The following CDC42EP4 variants were observed in gnomAD, a reference collection of about 807,000 sequenced individuals.
CDC42EP4 encodes the protein CDC42 effector protein (Rho GTPase binding) 4.
Under a neutral mutation model 5.6 loss-of-function variants are expected in CDC42EP4, and 6 were observed. The ratio of observed to expected loss-of-function variants is 1.07; its 90% CI spans 0.59 to 2.12. The LOEUF (loss-of-function observed/expected upper bound fraction) is 2.12. CDC42EP4 is among the 30% of genes most tolerant of loss of function. The probability of loss-of-function intolerance (pLI) is 0.00; values close to 1 mark genes in which losing one functional copy is unlikely to be tolerated. For synonymous variants in CDC42EP4, 230 were observed against 224.2 expected (o/e 1.03, Z -0.23); for missense variants, 490 against 508.6 (o/e 0.96, Z 0.35).
At position 73,283,785 on chromosome 17, in the gene CDC42EP4, A is replaced by G. The variant is rs927581785; in HGVS notation, c.*1645T>C. ...CCCACCATGGGACCTAAGCTATTGG[A>G]AACAGGAGCACCAACAGGGCACCGA... On this transcript the variant is annotated 3_prime_UTR_variant, in exon 2 of 2. Coordinates refer to ENST00000335793, the MANE Select transcript of CDC42EP4 (RefSeq NM_012121.5). 1.3e-5 allele frequency: 2 copies of G among 152,322 alleles called. No homozygotes were observed. Among genetic ancestry groups the G allele is most frequent in the African/African-American group, 4.8e-5 (2 of 41,452 alleles). The allele number at this position is 152,322 out of a possible 1,614,324, so 9.4% of individuals were successfully genotyped here.
intron 1 of CDC42EP4, chr17:73,307,187 A>C (rs796408904): frequency 5.2e-4 from 79 of 152,336 alleles, no homozygotes; most frequent in African/African-American, 1.7e-3. Flanking sequence ...GCTCACCTGA[A>C]TCCCAAAAGA....
rs555882165 is a variant in CDC42EP4, at chr17:73,295,929, T to C, written c.-112-9317A>G. On this transcript the variant is annotated intron_variant, in intron 1 of 1. Transcript: ENST00000335793. ...TCCAAAAAAAAAAAAAAAAGAATGATGGTTTTAAAATGAATATGATTCAGT... is the reference window on the plus strand; with the variant it reads ...TCCAAAAAAAAAAAAAAAAGAATGACGGTTTTAAAATGAATATGATTCAGT... Among the ~76,000 whole-genome samples the C allele has an allele frequency of 4.7e-5, 7 of 147,388 alleles. No homozygotes were observed. In the South Asian group the frequency reaches 1.1e-3, roughly 23 times the overall value.
chr17:73,310,866 G>C (rs915873250), intron 1 of CDC42EP4: 9 of 151,886 alleles, frequency 5.9e-5, no homozygotes, highest in African/African-American at 2.2e-4. Context: ...CAGCCCTCCC[G>C]GCCGGGGCAC....
chr17:73,310,473 T>A (rs769337631), intron 1 of CDC42EP4, among the ~76,000 whole-genome samples: 16 of 151,554 alleles, frequency 1.1e-4, no homozygotes, highest in Non-Finnish European at 1.8e-4. Flanking sequence ...CGACGGGGGC[T>A]CCCAAGGACT....
At chr17:73,289,502 C>T (rs2062150195) in intron 1 of CDC42EP4, among the ~76,000 whole-genome samples, 1 of 151,854 alleles carries the variant, frequency 6.6e-6, no homozygotes, top group Non-Finnish European at 1.5e-5. Flanking sequence ...TGACCCCACG[C>T]ATCCTCATGC....
At chr17:73,305,036 G>A (rs985852903) in intron 1 of CDC42EP4, among the ~76,000 whole-genome samples, 1 of 152,176 alleles carries the variant, frequency 6.6e-6, no homozygotes, top group African/African-American at 2.4e-5. Flanking sequence ...AGCAGGAGGT[G>A]AAGGGGAAAC....
intron 1 of CDC42EP4, chr17:73,311,171 C>G (rs1039276691): frequency 1.3e-5 from 2 of 152,242 alleles, no homozygotes; most frequent in Admixed American, 6.5e-5. Flanking sequence ...CAGGAGGCGC[C>G]TCGGCCTCCC....
At chr17:73,290,692 C>T (rs1251755078) in intron 1 of CDC42EP4, among the ~76,000 whole-genome samples, 1 of 152,180 alleles carries the variant, frequency 6.6e-6, no homozygotes, top group Non-Finnish European at 1.5e-5. Flanking sequence ...AGGTAAACAA[C>T]AAAGACAGAG....
In CDC42EP4 at chr17:73,304,580, G is replaced by A. The variant is rs374211496; in HGVS notation, c.-113+7313C>T. On this transcript the variant is annotated intron_variant, in intron 1 of 1. Transcript: ENST00000335793. Reference sequence around the variant, plus strand: ...GCTCTACTCAAGTCACACACGGTTGGTTAGGAGAGAGAGACAAGAATCCAG... The same window carrying A: ...GCTCTACTCAAGTCACACACGGTTGATTAGGAGAGAGAGACAAGAATCCAG... Among the ~76,000 whole-genome samples the A allele has an allele frequency of 9.1e-5, 13 of 143,412 alleles. No individual in the cohort carries two copies. In the East Asian group the frequency reaches 2.1e-3, roughly 24 times the overall value. The allele number at this position is 143,412 out of a possible 152,430, so 94.1% of individuals were successfully genotyped here.
chr17:73,285,687 C>T lies in CDC42EP4; in HGVS notation c.814G>A (p.Asp272Asn), dbSNP rs942232786. 1 of 1,571,134 alleles carries T rather than the reference C, an allele frequency of 6.4e-7. No homozygotes were observed. The highest frequency in any genetic ancestry group is 1.3e-5 in the African/African-American group (1 of 74,292). The change falls in exon 2 of 2, where the codon GAC becomes AAC. Residue 272 changes from aspartate (D) to asparagine (N), a missense_variant. Asp to Asn is a conservative substitution (Grantham distance 23). Transcript: ENST00000335793. The surrounding 1 kb of genome is among the most constrained non-coding windows in gnomAD (Gnocchi z 6.8). ...GCATGGGAGGGGAGGGAGGGCAAGT[C>T]TGGGCCAGCCTTGCCTTCCTGCCTT... Reference protein sequence around the residue: ...LARQEGKAGPDLPSLPSHALE... With the variant: ...LARQEGKAGPNLPSLPSHALE...
Position 73,285,858 on chromosome 17 carries a change from G to T in CDC42EP4, c.643C>A (p.Pro215Thr), listed in dbSNP as rs1167520253. The change falls in exon 2 of 2, where the codon CCC becomes ACC. Residue 215 changes from proline to threonine, a missense_variant. Coordinates refer to ENST00000335793, the MANE Select transcript of CDC42EP4 (RefSeq NM_012121.5). The surrounding 1 kb of genome is among the most constrained non-coding windows in gnomAD (Gnocchi z 6.8). The part of the protein sequence containing the change: ...SIMSFHIDLG[P>T]SMLGDVLSIM... ...CTGAGGACGTCACCCAGCATGGAGGGCCCCAGGTCGATGTGGAAGGACATG... is the reference window on the plus strand; with the variant it reads ...CTGAGGACGTCACCCAGCATGGAGGTCCCCAGGTCGATGTGGAAGGACATG... 1.2e-6 allele frequency: 2 copies of T among 1,614,044 alleles called. No homozygotes were observed. The highest frequency in any genetic ancestry group is 1.7e-6 in the Non-Finnish European group (2 of 1,180,000).
chr17:73,308,140 G>C (rs770333314), intron 1 of CDC42EP4, among the ~76,000 whole-genome samples: 12 of 152,172 alleles, frequency 7.9e-5, no homozygotes, highest in Non-Finnish European at 1.5e-5. Flanking sequence ...GTTCCCTGCC[G>C]AGAGAGGGCA....
In CDC42EP4 at chr17:73,285,943, A is replaced by G. The variant is rs767014345; in HGVS notation, c.558T>C (p.Asp186=). ...DPLLDEQAFG[D]LTDLPVVPKA... is the part of the protein sequence containing the mutation. ...TGGGCACGACAGGCAGATCTGTCAG[A>G]TCCCCAAAGGCCTGCTCATCGAGGA... The change falls in exon 2 of 2, where the codon GAT becomes GAC. Residue 186 remains aspartate (D), a synonymous_variant. Transcript: ENST00000335793. The surrounding 1 kb of genome is among the most constrained non-coding windows in gnomAD (Gnocchi z 6.8). 2 of 1,613,780 alleles carry G rather than the reference A, an allele frequency of 1.2e-6. No homozygotes were observed. The highest frequency in any genetic ancestry group is 1.1e-5 in the South Asian group (1 of 91,088).
At chr17:73,309,213 TG>T (rs2062260900) in intron 1 of CDC42EP4, among the ~76,000 whole-genome samples, 1 of 151,298 alleles carries the variant, frequency 6.6e-6, no homozygotes, top group Non-Finnish European at 1.5e-5. Flanking sequence ...CTGGGCGTGG[TG>T]GTGGGCGCCA....
intron 1 of CDC42EP4, among the ~76,000 whole-genome samples, chr17:73,303,506 A>G (rs1163541296): frequency 6.6e-6 from 1 of 151,782 alleles, no homozygotes; most frequent in African/African-American, 2.4e-5. Flanking sequence ...TACTAAAAAT[A>G]CAAAAATTAG....
chr17:73,293,631 C>T (rs1181147508), intron 1 of CDC42EP4, among the ~76,000 whole-genome samples: 3 of 152,134 alleles, frequency 2.0e-5, no homozygotes, highest in Admixed American at 6.5e-5. Flanking sequence ...TGGAACAGCA[C>T]GCTGGAGGGG....
intron 1 of CDC42EP4, among the ~76,000 whole-genome samples, chr17:73,293,582 G>A (rs577128515): frequency 5.3e-5 from 8 of 152,296 alleles, no homozygotes; most frequent in East Asian, 1.9e-4. Context: ...TCACTTTGCC[G>A]AAACACAGGT....
chr17:73,303,054 A>AAAAAAAAAAAAAT (rs1239837356), intron 1 of CDC42EP4, among the ~76,000 whole-genome samples: 47 of 122,776 alleles, frequency 3.8e-4, no homozygotes, highest in East Asian at 1.8e-3. Context: ...AAAAAAAAAA[A>AAAAAAAAAAAAAT]GATAATTGGC....
intron 1 of CDC42EP4, among the ~76,000 whole-genome samples, chr17:73,303,054 A>AAAAAAAAAAT (rs1239837356): frequency 2.0e-4 from 24 of 122,780 alleles, no homozygotes; most frequent in African/African-American, 7.6e-4. Flanking sequence ...AAAAAAAAAA[A>AAAAAAAAAAT]GATAATTGGC....
Sources: allele counts gnomAD v4.1 joint callset (sites outside exome capture counted in the v4.1 genomes callset), GRCh38; gene constraint gnomAD v4.1.1; non-coding constraint Gnocchi (gnomAD v3.1); transcripts MANE v1.5; gene names NCBI Gene and HGNC (gene_info 2026-07-23, HGNC 2026-07-21).